The following DRAXIN variants were observed in gnomAD, a reference collection of about 807,000 sequenced individuals.
The protein encoded by DRAXIN is dorsal inhibitory axon guidance protein.
Under a neutral mutation model 33.9 loss-of-function variants are expected in DRAXIN, and 27 were observed. The observed-to-expected ratio is 0.80, with a 90% CI of 0.59 to 1.10. The LOEUF (loss-of-function observed/expected upper bound fraction) is 1.10, where lower values mean the gene tolerates loss of function less well. DRAXIN is among the 50% of genes least tolerant of loss of function. The pLI, the probability that DRAXIN is intolerant of heterozygous loss-of-function variation, is 0.00. For missense variants in DRAXIN, 371 were observed against 460.8 expected (o/e 0.81, Z 1.78); for synonymous variants, 178 against 194.0 (o/e 0.92, Z 0.69).
rs1046072085 is a variant in DRAXIN at position 11,724,488 on chromosome 1, TG to T, written c.*4795del. On this transcript the variant is annotated 3_prime_UTR_variant, in exon 7 of 7. Coordinates refer to ENST00000294485, the MANE Select transcript of DRAXIN (RefSeq NM_198545.4). ...GCAATGACATGAGGGCCAAGGCTTG[TG>T]GGAAAATGACAGCTTCACAGCCCCT... 38 of 152,226 alleles carry T rather than the reference TG, an allele frequency of 2.5e-4. No homozygotes were observed. The highest frequency in any genetic ancestry group is 8.9e-4 in the African/African-American group (37 of 41,442). The allele number at this position is 152,226 out of a possible 1,614,324, so 9.4% of individuals were successfully genotyped here.
rs1641659692 is a variant in DRAXIN at position 11,721,536 on chromosome 1, G to A, written c.*1840G>A. 2 of 152,298 alleles carry A rather than the reference G, an allele frequency of 1.3e-5. No homozygotes were observed. Among genetic ancestry groups the A allele is most frequent in the Admixed American group, 1.3e-4 (2 of 15,280 alleles). 9.4% of individuals were successfully genotyped at this position (152,298 alleles called of 1,614,324 possible). ...GATGTTTACTGCGTTGGAAAAATCA[G>A]TCGGGGTCAGGGGTCAGGCACCAAG... On this transcript the variant is annotated 3_prime_UTR_variant, in exon 7 of 7. Coordinates refer to ENST00000294485, the MANE Select transcript of DRAXIN (RefSeq NM_198545.4).
chr1:11,688,739 G>T (rs1310467756), upstream of DRAXIN, among the ~76,000 whole-genome samples: 1 of 152,134 alleles, frequency 6.6e-6, no homozygotes, highest in Non-Finnish European at 1.5e-5. The surrounding 1 kb of genome is among the most constrained non-coding windows in gnomAD (Gnocchi z 4.6). Context: ...TGGGTCAAAT[G>T]GGGTTGGGAC....
Position 11,692,170 on chromosome 1 carries a change from G to A in DRAXIN, c.-11+317G>A, listed in dbSNP as rs1641084149. 1.3e-5 allele frequency among the ~76,000 whole-genome samples: 2 copies of A among 152,188 alleles called. 1 individual carries two copies. Among genetic ancestry groups the A allele is most frequent in the South Asian group, 4.1e-4 (2 of 4,830 alleles). ...GCGCGCGCCCTCGCCGCCCTCTGGG[G>A]TCCCGGCTCGCACCTACTCTCCTCG... On this transcript the variant is annotated intron_variant, in intron 1 of 6. Coordinates refer to ENST00000294485, the MANE Select transcript of DRAXIN (RefSeq NM_198545.4). The surrounding 1 kb of genome is among the most constrained non-coding windows in gnomAD (Gnocchi z 5.8).
rs1472636294 is a variant in DRAXIN, at chr1:11,724,809, C to CA, written c.*5114dup. On this transcript the variant is annotated 3_prime_UTR_variant, in exon 7 of 7. Transcript: ENST00000294485. ...CACTGTGGCTCCTCACTGGGGGTTT[C>CA]ACGGGGTTGGACTGAGCCCTGTCAC... The CA allele has an allele frequency of 3.3e-5, 5 of 152,470 alleles. No individual in the cohort carries two copies. The highest frequency in any genetic ancestry group is 7.3e-5 in the Non-Finnish European group (5 of 68,114). The allele number at this position is 152,470 out of a possible 1,614,324, so 9.4% of individuals were successfully genotyped here.
chr1:11,705,297 C>A lies in DRAXIN; in HGVS notation c.-10-952C>A, dbSNP rs969003405. Reference sequence around the variant, plus strand: ...TGGGGGAGCAGCTGCGGGTGGTGCACGGGGGCAGGAGGTCTCCAGAGTCTG... The same window carrying A: ...TGGGGGAGCAGCTGCGGGTGGTGCAAGGGGGCAGGAGGTCTCCAGAGTCTG... On this transcript the variant is annotated intron_variant, in intron 1 of 6. Transcript: ENST00000294485. The surrounding 1 kb of genome is among the most constrained non-coding windows in gnomAD (Gnocchi z 4.8). Among the ~76,000 whole-genome samples, 1 of 152,034 alleles carries A rather than the reference C, an allele frequency of 6.6e-6. No individual in the cohort carries two copies. Among genetic ancestry groups the A allele is most frequent in the Non-Finnish European group, 1.5e-5 (1 of 67,994 alleles).
Position 11,705,061 on chromosome 1 carries a change from G to A in DRAXIN, c.-10-1188G>A, listed in dbSNP as rs985079331. 6.6e-6 allele frequency among the ~76,000 whole-genome samples: 1 copy of A among 152,240 alleles called. No individual in the cohort carries two copies. Among genetic ancestry groups the A allele is most frequent in the Non-Finnish European group, 1.5e-5 (1 of 68,038 alleles). On this transcript the variant is annotated intron_variant, in intron 1 of 6. Transcript: ENST00000294485. The surrounding 1 kb of genome is among the most constrained non-coding windows in gnomAD (Gnocchi z 4.8). Reference sequence around the variant, plus strand: ...CCAGCCAGCATGGGGGCCGCAGGGAGAGGCGCCGGGAAGCAGGGAAACATC... The same window carrying A: ...CCAGCCAGCATGGGGGCCGCAGGGAAAGGCGCCGGGAAGCAGGGAAACATC...
intron 3 of DRAXIN, among the ~76,000 whole-genome samples, chr1:11,710,897 G>A (rs573711922): frequency 8.0e-5 from 10 of 124,252 alleles, no homozygotes; most frequent in Non-Finnish European, 4.6e-5. Flanking sequence ...ACTCCAGCCT[G>A]GGCGACAGAG....
chr1:11,706,839 A>AG lies in DRAXIN; in HGVS notation c.451+133dup. 1 of 1,015,454 alleles carries AG rather than the reference A, an allele frequency of 9.8e-7. No individual in the cohort carries two copies. The highest frequency in any genetic ancestry group is 3.0e-5 in the Admixed American group (1 of 33,436). 62.9% of individuals were successfully genotyped at this position (1,015,454 alleles called of 1,614,324 possible). A position where few individuals can be genotyped will look rare whatever the true frequency, so the allele number is the denominator to read the frequency against. On this transcript the variant is annotated intron_variant, in intron 2 of 6. Coordinates refer to ENST00000294485, the MANE Select transcript of DRAXIN (RefSeq NM_198545.4). This position sits in a 1 kb window ranked among gnomAD's most constrained non-coding sequence, Gnocchi z 5.5. ...AGAGGAGGGGTCTCACTGAAGCCAG[A>AG]GGGACCTGGTAAGGGGAGGAGGCTG...
rs1228349227 is a variant in DRAXIN at position 11,723,424 on chromosome 1, A to C, written c.*3728A>C. The C allele has an allele frequency of 1.3e-5, 2 of 152,082 alleles. No individual in the cohort carries two copies. The highest frequency in any genetic ancestry group is 4.8e-5 in the African/African-American group (2 of 41,384). 9.4% of individuals were successfully genotyped at this position (152,082 alleles called of 1,614,324 possible). A position where few individuals can be genotyped will look rare whatever the true frequency, so the allele number is the denominator to read the frequency against. ...CGGAGAGTCTCTGCTCTCCCCTTCCATCTGTAGCAGTGTGGCTGGTGTTAA... is the reference window on the plus strand; with the variant it reads ...CGGAGAGTCTCTGCTCTCCCCTTCCCTCTGTAGCAGTGTGGCTGGTGTTAA... On this transcript the variant is annotated 3_prime_UTR_variant, in exon 7 of 7. Transcript: ENST00000294485.
At chr1:11,710,157 C>T (rs927911576) in intron 3 of DRAXIN, among the ~76,000 whole-genome samples, 1 of 146,142 alleles carries the variant, frequency 6.8e-6, no homozygotes, top group African/African-American at 2.6e-5. Flanking sequence ...TGCACACCAG[C>T]CCGGGTGACA....
At position 11,706,764 on chromosome 1, in the gene DRAXIN, G is replaced by A; in HGVS notation, c.451+55G>A. 1 of 1,479,102 alleles carries A rather than the reference G, an allele frequency of 6.8e-7. No homozygotes were observed. The allele number at this position is 1,479,102 out of a possible 1,614,324, so 91.6% of individuals were successfully genotyped here. A position where few individuals can be genotyped will look rare whatever the true frequency, so the allele number is the denominator to read the frequency against. On this transcript the variant is annotated intron_variant, in intron 2 of 6. Transcript: ENST00000294485. The surrounding 1 kb of genome is among the most constrained non-coding windows in gnomAD (Gnocchi z 5.5). ...GGGGGTGATTCCTGCCATGGACTGAGGGGAGCAGGAGAGGATGCAGGCAAG... is the reference window on the plus strand; with the variant it reads ...GGGGGTGATTCCTGCCATGGACTGAAGGGAGCAGGAGAGGATGCAGGCAAG...
rs866878028 is a variant in DRAXIN at position 11,692,908 on chromosome 1, G to A, written c.-11+1055G>A. On this transcript the variant is annotated intron_variant, in intron 1 of 6. Coordinates refer to ENST00000294485, the MANE Select transcript of DRAXIN (RefSeq NM_198545.4). The surrounding 1 kb of genome is among the most constrained non-coding windows in gnomAD (Gnocchi z 5.8). ...TATAGGGATGTGTGTGGAAATTGTG[G>A]GGTGCCGCTTGGTGCTGGTTCACAC... Among the ~76,000 whole-genome samples, 1 of 151,926 alleles carries A rather than the reference G, an allele frequency of 6.6e-6. No individual in the cohort carries two copies. Among genetic ancestry groups the A allele is most frequent in the Non-Finnish European group, 1.5e-5 (1 of 67,960 alleles).
In DRAXIN at chr1:11,706,749, C is replaced by T. The variant is rs749335709; in HGVS notation, c.451+40C>T. The stretch of plus-strand genomic sequence containing the variant: ...GCGAGGGGTGGGGATGGGGGTGATT[C>T]CTGCCATGGACTGAGGGGAGCAGGA... On this transcript the variant is annotated intron_variant, in intron 2 of 6. Coordinates refer to ENST00000294485, the MANE Select transcript of DRAXIN (RefSeq NM_198545.4). This position sits in a 1 kb window ranked among gnomAD's most constrained non-coding sequence, Gnocchi z 5.5. The T allele has an allele frequency of 1.1e-5, 17 of 1,501,540 alleles. No homozygotes were observed. The South Asian group carries it at 1.9e-4, about 17-fold the overall frequency. 93.0% of individuals were successfully genotyped at this position (1,501,540 alleles called of 1,614,324 possible).
chr1:11,697,431 A>G (rs971084971), intron 1 of DRAXIN, among the ~76,000 whole-genome samples: 2 of 152,206 alleles, frequency 1.3e-5, no homozygotes, highest in East Asian at 3.8e-4. Flanking sequence ...GAGGACAGCA[A>G]CTGTATCTAC....
At chr1:11,689,174 G>C (rs2100722222), upstream of DRAXIN, among the ~76,000 whole-genome samples, 1 of 151,586 alleles carries the variant, frequency 6.6e-6, no homozygotes, top group South Asian at 2.1e-4. Flanking sequence ...GTGTGTGCCT[G>C]TAACCCCAGC....
chr1:11,689,760 T>G (rs1641028079), upstream of DRAXIN, among the ~76,000 whole-genome samples: 1 of 152,188 alleles, frequency 6.6e-6, no homozygotes, highest in African/African-American at 2.4e-5. Flanking sequence ...TAATAAACTT[T>G]TTACTCTATG....
At chr1:11,709,830 C>T (rs953635257) in intron 3 of DRAXIN, among the ~76,000 whole-genome samples, 1 of 152,178 alleles carries the variant, frequency 6.6e-6, no homozygotes, top group Admixed American at 6.5e-5. Flanking sequence ...AAAACTGTGT[C>T]GTCAAGACCC....
At chr1:11,716,375 G>A (rs1447319304) in intron 6 of DRAXIN, among the ~76,000 whole-genome samples, 1 of 152,198 alleles carries the variant, frequency 6.6e-6, no homozygotes, top group East Asian at 1.9e-4. Flanking sequence ...ATATTTTAGT[G>A]TGTACCTCTG....
intron 1 of DRAXIN, among the ~76,000 whole-genome samples, chr1:11,701,580 G>C (rs1355312243): frequency 6.6e-6 from 1 of 152,158 alleles, no homozygotes; most frequent in African/African-American, 2.4e-5. Flanking sequence ...TGTGAAAGGG[G>C]CCGGCTGTGG....
Sources: gnomAD v4.1 joint callset for allele counts (sites outside exome capture counted in the v4.1 genomes callset) on GRCh38, gnomAD v4.1.1 for gene constraint, Gnocchi (gnomAD v3.1) non-coding constraint, MANE v1.5 for transcripts, NCBI Gene and HGNC (gene_info 2026-07-23, HGNC 2026-07-21) for gene names.